GALNT2: variants seen among roughly 807,000 people sequenced by gnomAD.
GALNT2 encodes polypeptide N-acetylgalactosaminyltransferase 2, also known as UDP-GalNAc:polypeptide N-acetylgalactosaminyltransferase 2.
A neutral mutation model predicts 81.4 loss-of-function variants in GALNT2; 31 were observed. The ratio of observed to expected loss-of-function variants is 0.38; its 90% CI spans 0.29 to 0.51. The LOEUF (loss-of-function observed/expected upper bound fraction) is 0.51. Ranked by LOEUF, GALNT2 falls within the 20% of genes least tolerant of loss-of-function variation. The pLI, the probability that GALNT2 is intolerant of heterozygous loss-of-function variation, is 0.87. For synonymous variants in GALNT2, 303 were observed against 287.4 expected, an observed-to-expected ratio of 1.05 and a Z score of -0.55; for missense variants, 629 against 765.7, an observed-to-expected ratio of 0.82 and a Z score of 2.11.
chr1:230,188,272 C>A (rs554766008), intron 2 of GALNT2, among the ~76,000 whole-genome samples: 37 of 152,292 alleles, frequency 2.4e-4, no homozygotes, highest in African/African-American at 8.4e-4. Context: ...TGTTTTAACT[C>A]TATTTCTTGC....
At chr1:230,232,871 C>T (rs902484509) in intron 3 of GALNT2, among the ~76,000 whole-genome samples, 1 of 152,018 alleles carries the variant, frequency 6.6e-6, no homozygotes, top group African/African-American at 2.4e-5. Flanking sequence ...ATATTAATTC[C>T]TGCCTGCTTT....
intron 5 of GALNT2, 106 bp from the exon 6 acceptor site, chr1:230,236,554 C>A: frequency 7.1e-7 from 1 of 1,415,316 alleles, no homozygotes; most frequent in Non-Finnish European, 9.9e-7. Context: ...CTCTGTGATG[C>A]CCCAAGGAGA....
intron 3 of GALNT2, among the ~76,000 whole-genome samples, chr1:230,232,031 A>G (rs918682891): frequency 2.0e-5 from 3 of 152,164 alleles, no homozygotes; most frequent in African/African-American, 4.8e-5. Context: ...TTGAGTTACT[A>G]TATTGGGTGT....
rs568334173 is a variant in GALNT2 at position 230,231,751 on chromosome 1, T to C, written c.375-4263T>C. ...TTAAAACAGATCTTTACATGTCCAG[T>C]TTTTAAAGCCTCCATTTTACCGAAC... On this transcript the variant is annotated intron_variant, in intron 3 of 15. Transcript: ENST00000366672. 2.0e-5 allele frequency among the ~76,000 whole-genome samples: 3 copies of C among 152,246 alleles called. No homozygotes were observed. In the South Asian group the frequency reaches 6.2e-4, roughly 32 times the overall value.
intron 1 of GALNT2, among the ~76,000 whole-genome samples, chr1:230,150,689 C>T (rs558704861): frequency 1.3e-5 from 2 of 152,316 alleles, no homozygotes; most frequent in South Asian, 2.1e-4. Context: ...AGTTGGAGTG[C>T]CTGGCTCCTC....
intron 1 of GALNT2, among the ~76,000 whole-genome samples, chr1:230,174,310 C>T (rs1662888020): frequency 6.6e-6 from 1 of 152,192 alleles, no homozygotes; most frequent in Admixed American, 6.5e-5. Flanking sequence ...GGCCTCTCCT[C>T]TCCCCTGCAC....
chr1:230,255,578 G>A (rs1235085149), intron 11 of GALNT2: 4 of 554,070 alleles, frequency 7.2e-6, no homozygotes, highest in African/African-American at 1.9e-5. Context: ...TTCCACTCAT[G>A]TCACAGCCTC....
intron 2 of GALNT2, among the ~76,000 whole-genome samples, chr1:230,199,182 CAATATATT>C (rs1467057380): frequency 3.3e-5 from 5 of 152,000 alleles, no homozygotes; most frequent in African/African-American, 2.4e-5. Flanking sequence ...TTTAGGAAGG[CAATATATT>C]CAGACGTTTT....
At chr1:230,059,509 A>G (rs755968114) in intron 1 of GALNT2, among the ~76,000 whole-genome samples, 1 of 152,186 alleles carries the variant, frequency 6.6e-6, no homozygotes, top group Non-Finnish European at 1.5e-5. Context: ...AGGTAGAAGA[A>G]AGACAAGGAG....
chr1:230,098,869 C>T (rs556785363), intron 1 of GALNT2, among the ~76,000 whole-genome samples: 1 of 152,204 alleles, frequency 6.6e-6, no homozygotes, highest in African/African-American at 2.4e-5. Context: ...AGGAGTTGAC[C>T]ATGATGTGTT....
At chr1:230,223,629 C>T (rs1004267554) in intron 3 of GALNT2, among the ~76,000 whole-genome samples, 7 of 152,112 alleles carry the variant, frequency 4.6e-5, no homozygotes, top group Admixed American at 1.3e-4. Flanking sequence ...CGCCATCACA[C>T]CGGGTAAATT....
chr1:230,188,830 T>C (rs1663425561), intron 2 of GALNT2, among the ~76,000 whole-genome samples: 1 of 152,222 alleles, frequency 6.6e-6, no homozygotes, highest in Non-Finnish European at 1.5e-5. Flanking sequence ...CAATATTTTG[T>C]ATTTTGGAAA....
At chr1:230,126,068 C>T (rs77945324) in intron 1 of GALNT2, among the ~76,000 whole-genome samples, 8,403 of 152,226 alleles carry the variant, frequency 0.055, 626 homozygotes, top group East Asian at 0.32. Context: ...CAAAGAGGAG[C>T]GAGGAGCAGG....
chr1:230,265,023 C>A, intron 13 of GALNT2: 5 of 449,304 alleles, frequency 1.1e-5, no homozygotes, highest in Non-Finnish European at 2.0e-5. Context: ...AAGAATACTT[C>A]TGCAACATAC....
At chr1:230,233,558 A>G (rs1664931765) in intron 3 of GALNT2, among the ~76,000 whole-genome samples, 1 of 152,176 alleles carries the variant, frequency 6.6e-6, no homozygotes, top group Non-Finnish European at 1.5e-5. Flanking sequence ...GGTTGCAATG[A>G]TCCGAGATTG....
intron 14 of GALNT2, chr1:230,268,281 T>C (rs1005122464): frequency 2.2e-4 from 34 of 151,964 alleles, no homozygotes; most frequent in African/African-American, 7.5e-4. Context: ...GGATAATTCG[T>C]GTAGGGTTGG....
chr1:230,077,978 A>G (rs1323125462), intron 1 of GALNT2, among the ~76,000 whole-genome samples: 1 of 152,206 alleles, frequency 6.6e-6, no homozygotes, highest in Non-Finnish European at 1.5e-5. Context: ...TATGTCCTGC[A>G]GATGTGGATG....
intron 1 of GALNT2, among the ~76,000 whole-genome samples, chr1:230,059,396 C>A (rs912375419): frequency 2.0e-5 from 3 of 152,182 alleles, no homozygotes; most frequent in Admixed American, 2.0e-4. Flanking sequence ...AAAGGCAAGT[C>A]AATGTATATA....
chr1:230,269,146 C>CTTT (rs546120149), intron 14 of GALNT2, among the ~76,000 whole-genome samples: 9,119 of 118,196 alleles, frequency 0.077, 660 homozygotes, highest in Middle Eastern at 0.1. Flanking sequence ...TTTTTTTTTT[C>CTTT]TTTTTTTTTT....
Sources: allele counts gnomAD v4.1 joint callset (sites outside exome capture counted in the v4.1 genomes callset), GRCh38; gene constraint gnomAD v4.1.1; transcripts MANE v1.5; gene names NCBI Gene and HGNC (gene_info 2026-07-23, HGNC 2026-07-21).